Variants in ALMS1 observed in about 807,000 individuals in gnomAD.
ALMS1 encodes the protein ALMS1 centrosome and basal body associated protein.
ALMS1 carries 271 observed loss-of-function variants against 352.2 expected under a neutral mutation model. The ratio of observed to expected loss-of-function variants is 0.77; its 90% CI spans 0.70 to 0.85. ALMS1 has a LOEUF of 0.85. Ranked by LOEUF, ALMS1 falls within the 40% of genes least tolerant of loss-of-function variation. The pLI is 0.00. For missense variants in ALMS1, 5,445 were observed against 4,870.7 expected (o/e 1.12, Z -3.51); for synonymous variants, 1,865 against 1,761.2 (o/e 1.06, Z -1.48).
chr2:73,589,357 A>C (rs1165330699), intron 16 of ALMS1, among the ~76,000 whole-genome samples: 1 of 152,204 alleles, frequency 6.6e-6, no homozygotes, highest in Non-Finnish European at 1.5e-5. Flanking sequence ...ATAGGATTAG[A>C]GAACTAGTAT....
At chr2:73,428,985 A>G (rs1671448462) in intron 6 of ALMS1, among the ~76,000 whole-genome samples, 1 of 152,220 alleles carries the variant, frequency 6.6e-6, no homozygotes, top group Non-Finnish European at 1.5e-5. Flanking sequence ...TGTGAAAAGA[A>G]CATAGAGATT....
At chr2:73,602,121 A>C in intron 19 of ALMS1, 64 bp from the exon 20 acceptor site, 1 of 1,487,594 alleles carries the variant, frequency 6.7e-7, no homozygotes, top group Non-Finnish European at 9.2e-7. Context: ...GTCTCCAGGC[A>C]TATGGAGAGT....
Position 73,450,016 on chromosome 2 carries a change from T to G in ALMS1, c.3489T>G (p.His1163Gln). 1 of 1,613,766 alleles carries G rather than the reference T, an allele frequency of 6.2e-7. No homozygotes were observed. The highest frequency in any genetic ancestry group is 8.5e-7 in the Non-Finnish European group (1 of 1,179,890). Residue 1163 changes from histidine to glutamine, a missense_variant, in exon 8 of 23, where the codon CAT (histidine) becomes CAG (glutamine). Transcript: ENST00000613296. Reference protein sequence around the residue: ...IFHQQALPGTHIPEEAQKVSA... With the variant: ...IFHQQALPGTQIPEEAQKVSA... ...ACCAGCAGGCCTTGCCAGGTACTCA[T>G]ATACCTGAAGAGGCTCAGAAAGTTT... is the stretch of plus-strand genomic sequence containing the variant.
chr2:73,531,106 T>G (rs2103984791), intron 11 of ALMS1, among the ~76,000 whole-genome samples: 1 of 152,402 alleles, frequency 6.6e-6, no homozygotes, highest in East Asian at 1.9e-4. Flanking sequence ...TATGCAAATT[T>G]CTGCAGCCAG....
chr2:73,490,589 C>T lies in ALMS1; in HGVS notation c.8630C>T (p.Pro2877Leu). 1 of 1,614,176 alleles carries T rather than the reference C, an allele frequency of 6.2e-7. No homozygotes were observed. The highest frequency in any genetic ancestry group is 1.3e-5 in the African/African-American group (1 of 75,058). The change falls in exon 10 of 23, where the codon CCT (proline) becomes CTT (leucine). Residue 2877 changes from proline (P) to leucine (L), a missense_variant. Coordinates refer to ENST00000613296, the MANE Select transcript of ALMS1 (RefSeq NM_001378454.1). ...EKNVTITPDLPSCIFLEQREL... is the reference protein window; with the variant it reads ...EKNVTITPDLLSCIFLEQREL... ...AATGTAACTATAACTCCAGATCTTC[C>T]TTCTTGCATTTTTCTTGAACAACGA...
At chr2:73,555,867 T>C (rs1178613204) in intron 13 of ALMS1, among the ~76,000 whole-genome samples, 1 of 152,132 alleles carries the variant, frequency 6.6e-6, no homozygotes, top group Non-Finnish European at 1.5e-5. Context: ...AATCATAATA[T>C]TGAGTGAAAA....
chr2:73,516,880 T>C (rs1406713525), intron 10 of ALMS1, among the ~76,000 whole-genome samples: 3 of 152,152 alleles, frequency 2.0e-5, no homozygotes, highest in African/African-American at 4.8e-5. Flanking sequence ...AAGCATTAGT[T>C]ATTAAGCCCC....
At chr2:73,537,146 G>A (rs1262350151) in intron 12 of ALMS1, among the ~76,000 whole-genome samples, 1 of 152,190 alleles carries the variant, frequency 6.6e-6, no homozygotes, top group African/African-American at 2.4e-5. Context: ...GGGAGGGAAA[G>A]ATGTTTATCA....
At chr2:73,520,119 A>AT in intron 11 of ALMS1, 103 bp downstream of exon 11, 3 of 1,457,006 alleles carry the variant, frequency 2.1e-6, no homozygotes, top group East Asian at 4.5e-5. Flanking sequence ...CCTAATTTTA[A>AT]TTTAAGAATT....
chr2:73,543,798 A>G (rs1174494029), intron 12 of ALMS1, among the ~76,000 whole-genome samples: 2 of 152,340 alleles, frequency 1.3e-5, no homozygotes, highest in African/African-American at 4.8e-5. Flanking sequence ...AGAAATGCAA[A>G]TCAAAACCAC....
chr2:73,449,010 G>A lies in ALMS1; in HGVS notation c.2483G>A (p.Ser828Asn), dbSNP rs1460256432. 6.2e-7 allele frequency: 1 copy of A among 1,613,820 alleles called. No individual in the cohort carries two copies. The highest frequency in any genetic ancestry group is 1.7e-5 in the Admixed American group (1 of 59,984). Reference protein sequence around the residue: ...LVFYQQALLDSHLPEEALKVS... With the variant: ...LVFYQQALLDNHLPEEALKVS... The stretch of plus-strand genomic sequence containing the variant: ...TTCTACCAACAGGCCTTGCTGGACA[G>A]CCATCTACCCGAAGAGGCTCTGAAA... Residue 828 changes from serine (S) to asparagine (N), a missense_variant, in exon 8 of 23, where the codon AGC becomes AAC. Coordinates refer to ENST00000613296, the MANE Select transcript of ALMS1 (RefSeq NM_001378454.1).
chr2:73,487,323 G>A (rs539575118), intron 9 of ALMS1, among the ~76,000 whole-genome samples: 1 of 152,190 alleles, frequency 6.6e-6, no homozygotes, highest in African/African-American at 2.4e-5. Context: ...GCATGCTGAC[G>A]GCTGTGGTAG....
chr2:73,523,971 G>A (rs977929306), intron 11 of ALMS1, among the ~76,000 whole-genome samples: 2 of 152,038 alleles, frequency 1.3e-5, no homozygotes, highest in African/African-American at 4.8e-5. Flanking sequence ...GGAGGCATTC[G>A]GCCATGAGAA....
intron 15 of ALMS1, among the ~76,000 whole-genome samples, chr2:73,570,968 A>G (rs776119198): frequency 1.3e-4 from 20 of 152,102 alleles, no homozygotes; most frequent in Admixed American, 3.3e-4. Context: ...CTCTTATATC[A>G]GCTTGTTTTT....
At chr2:73,400,414 A>G (rs1032413822) in intron 1 of ALMS1, among the ~76,000 whole-genome samples, 1 of 152,082 alleles carries the variant, frequency 6.6e-6, no homozygotes, top group Non-Finnish European at 1.5e-5. Flanking sequence ...TTTTTTGGTA[A>G]TATGTTTGTC....
At position 73,385,903 on chromosome 2, in the gene ALMS1, T is replaced by TGGAGGAGGAGGAGGAGGAGGAGGA. The variant is rs55889738; in HGVS notation, c.51_74dup (p.Glu21_Glu28dup). The TGGAGGAGGAGGAGGAGGAGGAGGA allele has an allele frequency of 5.1e-5, 36 of 701,374 alleles. No homozygotes were observed. The highest frequency in any genetic ancestry group is 8.5e-5 in the East Asian group (3 of 35,254). The allele number at this position is 701,374 out of a possible 1,614,324, so 43.4% of individuals were successfully genotyped here. A position where few individuals can be genotyped will look rare whatever the true frequency, so the allele number is the denominator to read the frequency against. On this transcript the variant is annotated inframe_insertion, in exon 1 of 23. Transcript: ENST00000613296. ...GAGGATCTGCCATGGCCGGGCGAGCTGGAGGAGGAGGAGGAGGAGGAGGAG... is the reference window on the plus strand; with the variant it reads ...GAGGATCTGCCATGGCCGGGCGAGCTGGAGGAGGAGGAGGAGGAGGAGGAGGAGGAGGAGGAGGAGGAGGAGGAG...
intron 12 of ALMS1, among the ~76,000 whole-genome samples, chr2:73,544,069 A>G (rs1409869109): frequency 1.3e-5 from 2 of 152,248 alleles, no homozygotes; most frequent in African/African-American, 2.4e-5. Flanking sequence ...ATGCACAGGT[A>G]TGTTTATTGC....
intron 10 of ALMS1, among the ~76,000 whole-genome samples, chr2:73,519,192 G>A (rs1673620762): frequency 6.6e-6 from 1 of 152,108 alleles, no homozygotes; most frequent in Non-Finnish European, 1.5e-5. Context: ...AAAGGAGGAG[G>A]GGAAGGTTAA....
At chr2:73,551,740 C>T (rs1311880462) in intron 13 of ALMS1, among the ~76,000 whole-genome samples, 1 of 151,844 alleles carries the variant, frequency 6.6e-6, no homozygotes, top group East Asian at 1.9e-4. Context: ...CTGGCCCCCA[C>T]TGTTTTATAA....
Sources: gnomAD v4.1 joint callset for allele counts (sites outside exome capture counted in the v4.1 genomes callset) on GRCh38, gnomAD v4.1.1 for gene constraint, MANE v1.5 for transcripts, NCBI Gene and HGNC (gene_info 2026-07-23, HGNC 2026-07-21) for gene names.